The following SLC44A3 variants were observed in gnomAD, a reference collection of about 807,000 sequenced individuals.
SLC44A3 encodes solute carrier family 44 member 3.
Under a neutral mutation model 75.4 loss-of-function variants are expected in SLC44A3, and 74 were observed. The ratio of observed to expected loss-of-function variants is 0.98; its 90% confidence interval spans 0.81 to 1.19. SLC44A3 has a LOEUF of 1.19. Among genes scored for constraint, SLC44A3 ranks in the 50% most tolerant of loss-of-function variants. SLC44A3 has a pLI of 0.00. For missense variants in SLC44A3, 700 were observed against 778.6 expected (o/e 0.90, Z 1.20); for synonymous variants, 310 against 296.9 (o/e 1.04, Z -0.45).
In SLC44A3 at chr1:94,828,586, G is replaced by A; in HGVS notation, c.509G>A (p.Ser170Asn). 1 of 1,613,436 alleles carries A rather than the reference G, an allele frequency of 6.2e-7. No homozygotes were observed. Among genetic ancestry groups the A allele is most frequent in the South Asian group, 1.1e-5 (1 of 90,890 alleles). Residue 170 changes from serine (S) to asparagine (N), a missense_variant and splice_region_variant, in exon 5 of 15, where the codon AGC becomes AAC. Transcript: ENST00000271227. ...TGTCCCAGGCTACCAGTTCCTCCAAGGTAAAAGCTTCCATACTTTTTCCTT... is the reference window on the plus strand; with the variant it reads ...TGTCCCAGGCTACCAGTTCCTCCAAAGTAAAAGCTTCCATACTTTTTCCTT... Reference protein sequence around the residue: ...SLCPRLPVPPSKSFPLFNRCV... With the variant: ...SLCPRLPVPPNKSFPLFNRCV...
At chr1:94,876,727 T>C (rs974680241) in intron 12 of SLC44A3, among the ~76,000 whole-genome samples, 2 of 152,218 alleles carry the variant, frequency 1.3e-5, no homozygotes, top group African/African-American at 4.8e-5. Flanking sequence ...GAAGAGCAGC[T>C]GCAGATTCAG....
intron 10 of SLC44A3, among the ~76,000 whole-genome samples, chr1:94,858,724 C>T (rs1666212879): frequency 6.6e-6 from 1 of 151,906 alleles, no homozygotes; most frequent in African/African-American, 2.4e-5. Context: ...CGGAGTCTTG[C>T]TCTGTCGCCC....
intron 5 of SLC44A3, among the ~76,000 whole-genome samples, chr1:94,832,616 C>CT (rs1662270900): frequency 6.6e-6 from 1 of 152,178 alleles, no homozygotes; most frequent in African/African-American, 2.4e-5. Context: ...TCTCTGGTAA[C>CT]TTTTAGGTAA....
At chr1:94,862,415 A>C (rs141918559) in intron 10 of SLC44A3, among the ~76,000 whole-genome samples, 39 of 152,224 alleles carry the variant, frequency 2.6e-4, no homozygotes, top group African/African-American at 9.2e-4. Context: ...GGCTGTATGC[A>C]CTCTGTTGTC....
At chr1:94,845,597 G>A in intron 9 of SLC44A3, 133 bp downstream of exon 9, 1 of 754,214 alleles carries the variant, frequency 1.3e-6, no homozygotes, top group Non-Finnish European at 2.0e-6. Flanking sequence ...CAGCGTTGGT[G>A]CTTGGGGCTC....
intron 11 of SLC44A3, among the ~76,000 whole-genome samples, chr1:94,866,909 T>G (rs1292105084): frequency 2.0e-5 from 3 of 152,244 alleles, no homozygotes; most frequent in African/African-American, 7.2e-5. Flanking sequence ...TGTGGGCACA[T>G]AACTAGTACC....
In SLC44A3 at chr1:94,857,420, C is replaced by T. The variant is rs370179504; in HGVS notation, c.1158C>T (p.Gly386=). Residue 386 remains glycine (G), a synonymous_variant, in exon 10 of 15, where the codon GGC becomes GGT. Transcript: ENST00000271227. The part of the protein sequence containing the change: ...IRYMWSYHLI[G]LIWTSEFILA... Reference sequence around the variant, plus strand: ...ACATGTGGTCGTACCATTTAATTGGCCTCATCTGGACTAGTGAATTCATCC... The same window carrying T: ...ACATGTGGTCGTACCATTTAATTGGTCTCATCTGGACTAGTGAATTCATCC... The T allele has an allele frequency of 3.1e-4, 495 of 1,614,026 alleles. 1 individual carries two copies. The highest frequency in any genetic ancestry group is 3.8e-4 in the Non-Finnish European group (449 of 1,180,022).
chr1:94,842,858 C>A (rs1663847665), intron 8 of SLC44A3, among the ~76,000 whole-genome samples: 1 of 152,214 alleles, frequency 6.6e-6, no homozygotes, highest in Non-Finnish European at 1.5e-5. Flanking sequence ...GATTCTCACA[C>A]CAACAAAATT....
chr1:94,853,265 C>T (rs1665438402), intron 9 of SLC44A3, among the ~76,000 whole-genome samples: 3 of 152,020 alleles, frequency 2.0e-5, no homozygotes, highest in African/African-American at 4.8e-5. Context: ...CAAGTGCTGC[C>T]GCTAAAGGAA....
At chr1:94,878,737 C>T (rs889452817) in intron 12 of SLC44A3, among the ~76,000 whole-genome samples, 60 of 152,172 alleles carry the variant, frequency 3.9e-4, no homozygotes, top group African/African-American at 1.4e-3. Context: ...CTACATAGAT[C>T]TATAGACCAT....
intron 10 of SLC44A3, among the ~76,000 whole-genome samples, chr1:94,862,354 G>A (rs1483196714): frequency 6.6e-6 from 1 of 152,206 alleles, no homozygotes; most frequent in Non-Finnish European, 1.5e-5. Context: ...GCACGAGGCT[G>A]GATCTAACTA....
intron 9 of SLC44A3, among the ~76,000 whole-genome samples, chr1:94,849,425 C>T (rs529468824): frequency 5.9e-5 from 9 of 152,276 alleles, no homozygotes; most frequent in African/African-American, 1.7e-4. Flanking sequence ...TGCCTGTGGC[C>T]GACCCAGGTG....
chr1:94,859,102 G>A (rs773649115), intron 10 of SLC44A3, among the ~76,000 whole-genome samples: 2 of 152,172 alleles, frequency 1.3e-5, no homozygotes, highest in Admixed American at 1.3e-4. Context: ...CCAAGCAGCC[G>A]GGGGTGGGTT....
intron 12 of SLC44A3, among the ~76,000 whole-genome samples, chr1:94,874,287 G>A (rs1668054726): frequency 6.6e-6 from 1 of 152,234 alleles, no homozygotes; most frequent in African/African-American, 2.4e-5. Flanking sequence ...GCATATGGCT[G>A]TGGCTTAGTG....
chr1:94,820,470 G>C lies in SLC44A3; in HGVS notation c.19G>C (p.Glu7Gln). ...GCGCACGATGCACTGCCTGGGCGCC[G>C]AGTACCTGGTAAGCGCTCGCAGCCT... is the stretch of plus-strand genomic sequence containing the variant. The part of the protein sequence containing the change: MHCLGA[E>Q]YLVSAEGAPR... The change falls in exon 1 of 15, where the codon GAG becomes CAG. Residue 7 changes from glutamate to glutamine, a missense_variant. By Grantham distance (29) the Glu-to-Gln change is conservative. Transcript: ENST00000271227. The C allele has an allele frequency of 6.7e-7, 1 of 1,495,476 alleles. No individual in the cohort carries two copies. The highest frequency in any genetic ancestry group is 8.9e-7 in the Non-Finnish European group (1 of 1,126,128). 92.6% of individuals were successfully genotyped at this position (1,495,476 alleles called of 1,614,324 possible).
chr1:94,851,685 T>C (rs1665232193), intron 9 of SLC44A3, among the ~76,000 whole-genome samples: 1 of 152,206 alleles, frequency 6.6e-6, no homozygotes, highest in African/African-American at 2.4e-5. Flanking sequence ...CTCTCTTTTT[T>C]CCTAATCCTC....
intron 5 of SLC44A3, chr1:94,836,614 A>G (rs1662823664): frequency 6.6e-6 from 1 of 152,194 alleles, no homozygotes; most frequent in Non-Finnish European, 1.5e-5. Flanking sequence ...CTAAGACAGG[A>G]GAATAAAAAT....
intron 12 of SLC44A3, among the ~76,000 whole-genome samples, chr1:94,884,404 A>G (rs1669339448): frequency 6.6e-6 from 1 of 152,360 alleles, no homozygotes; most frequent in Non-Finnish European, 1.5e-5. Context: ...TGCCAGTTTT[A>G]CTGTAGGTCC....
In SLC44A3 at chr1:94,894,074, G is replaced by A. The variant is rs535767877; in HGVS notation, c.1858-744G>A. On this transcript the variant is annotated intron_variant, in intron 14 of 14. Transcript: ENST00000271227. Reference sequence around the variant, plus strand: ...GGCGCCATTGCACTCCAGCCTGGGCGACAGAGGGTGACTCCGTCTCCACCA... The same window carrying A: ...GGCGCCATTGCACTCCAGCCTGGGCAACAGAGGGTGACTCCGTCTCCACCA... Among the ~76,000 whole-genome samples, 10 of 152,062 alleles carry A rather than the reference G, an allele frequency of 6.6e-5. No individual in the cohort carries two copies. In the East Asian group the frequency reaches 1.9e-3, roughly 30 times the overall value.
Sources: allele counts gnomAD v4.1 joint callset (sites outside exome capture counted in the v4.1 genomes callset), GRCh38; gene constraint gnomAD v4.1.1; transcripts MANE v1.5; gene names NCBI Gene and HGNC (gene_info 2026-07-23, HGNC 2026-07-21).